Variants in DOK6 observed in about 807,000 individuals in gnomAD.
The protein encoded by DOK6 is downstream of tyrosine kinase 6.
Under a neutral mutation model 44.0 loss-of-function variants are expected in DOK6, and 22 were observed. The ratio of observed to expected loss-of-function variants is 0.50; its 90% CI spans 0.36 to 0.71. The LOEUF is 0.71. Ranked by LOEUF, DOK6 falls within the 30% of genes least tolerant of loss-of-function variation. The pLI, the probability that DOK6 is intolerant of heterozygous loss-of-function variation, is 0.00. For missense variants in DOK6, 340 were observed against 416.4 expected (o/e 0.82, Z 1.60); for synonymous variants, 166 against 145.5 (o/e 1.14, Z -1.01).
rs558134711 is a variant in DOK6, at chr18:69,573,794, C to T, written c.174+9200C>T. 3.3e-5 allele frequency among the ~76,000 whole-genome samples: 5 copies of T among 151,488 alleles called. No homozygotes were observed. In the East Asian group the frequency reaches 9.7e-4, roughly 29 times the overall value. Reference sequence around the variant, plus strand: ...ATTCTGATTTCTGTTTCTTTTTTTCCCTTAGGACGTACATCTGGTTTTCTT... The same window carrying T: ...ATTCTGATTTCTGTTTCTTTTTTTCTCTTAGGACGTACATCTGGTTTTCTT... On this transcript the variant is annotated intron_variant, in intron 2 of 7. Transcript: ENST00000382713.
intron 7 of DOK6, among the ~76,000 whole-genome samples, chr18:69,787,407 A>G (rs987486246): frequency 6.6e-6 from 1 of 152,202 alleles, no homozygotes. Flanking sequence ...GACAGGTGGC[A>G]TGTCCATTCA....
Position 69,725,624 on chromosome 18 carries a change from A to T in DOK6, c.600-13341A>T, listed in dbSNP as rs1050681189. Among the ~76,000 whole-genome samples the T allele has an allele frequency of 5.3e-5, 8 of 152,196 alleles. No homozygotes were observed. In the East Asian group the frequency reaches 9.7e-4, roughly 18 times the overall value. On this transcript the variant is annotated intron_variant, in intron 5 of 7. Coordinates refer to ENST00000382713, the MANE Select transcript of DOK6 (RefSeq NM_152721.6). The stretch of plus-strand genomic sequence containing the variant: ...TGCCTCAGCCTCCCGAGGAGGTGGG[A>T]CTACAGGTGTGAGCCACCACATCCA...
At chr18:69,723,074 A>T (rs553908331) in intron 5 of DOK6, among the ~76,000 whole-genome samples, 6 of 152,202 alleles carry the variant, frequency 3.9e-5, no homozygotes, top group African/African-American at 1.4e-4. Context: ...AAGTATTTTT[A>T]TATTGCATTT....
At chr18:69,554,854 C>T (rs952552749) in intron 1 of DOK6, among the ~76,000 whole-genome samples, 1 of 152,078 alleles carries the variant, frequency 6.6e-6, no homozygotes, top group Admixed American at 6.6e-5. Context: ...TCTTATTGTG[C>T]TTTTACTTCA....
At chr18:69,651,462 G>T (rs1284147784) in intron 3 of DOK6, among the ~76,000 whole-genome samples, 4 of 145,768 alleles carry the variant, frequency 2.7e-5, no homozygotes, top group African/African-American at 1.0e-4. Context: ...GCCCTGCATT[G>T]CATCATCAGC....
chr18:69,504,304 C>T (rs1981125280), intron 1 of DOK6, among the ~76,000 whole-genome samples: 1 of 151,946 alleles, frequency 6.6e-6, no homozygotes, highest in African/African-American at 2.4e-5. Context: ...GTCCCAACTA[C>T]CCCTATTCTA....
intron 1 of DOK6, among the ~76,000 whole-genome samples, chr18:69,433,154 T>A (rs1442230911): frequency 6.6e-6 from 1 of 152,168 alleles, no homozygotes; most frequent in Non-Finnish European, 1.5e-5. Context: ...TTGAATCTAG[T>A]TTAAGTCTAT....
At chr18:69,556,215 C>T (rs1424098110) in intron 1 of DOK6, among the ~76,000 whole-genome samples, 1 of 152,154 alleles carries the variant, frequency 6.6e-6, no homozygotes, top group Admixed American at 6.5e-5. Flanking sequence ...CAACTCCAGC[C>T]ACCTTGTTCT....
At chr18:69,419,320 C>G (rs943299755) in intron 1 of DOK6, among the ~76,000 whole-genome samples, 4 of 152,116 alleles carry the variant, frequency 2.6e-5, no homozygotes, top group Non-Finnish European at 5.9e-5. Context: ...AGTCACAACT[C>G]CCTTTTAAAT....
At chr18:69,580,241 C>T (rs947405546) in intron 2 of DOK6, among the ~76,000 whole-genome samples, 1 of 152,118 alleles carries the variant, frequency 6.6e-6, no homozygotes, top group African/African-American at 2.4e-5. Flanking sequence ...TGCTTCAAAG[C>T]TCCTTCTGTT....
intron 7 of DOK6, among the ~76,000 whole-genome samples, chr18:69,811,811 A>T (rs1289920528): frequency 1.3e-5 from 2 of 151,910 alleles, no homozygotes; most frequent in Non-Finnish European, 2.9e-5. Flanking sequence ...GGTACTGGAC[A>T]GCAAAGTCAG....
intron 5 of DOK6, among the ~76,000 whole-genome samples, chr18:69,711,337 C>T (rs1454556680): frequency 4.6e-5 from 7 of 152,230 alleles, no homozygotes; most frequent in Admixed American, 6.5e-5. Flanking sequence ...TAATGACGAA[C>T]GAGGTAACAT....
intron 1 of DOK6, among the ~76,000 whole-genome samples, chr18:69,431,887 G>A (rs537977844): frequency 6.4e-4 from 98 of 152,170 alleles, no homozygotes; most frequent in African/African-American, 2.3e-3. Flanking sequence ...CCTTCATCTG[G>A]CATTCCCTTA....
intron 3 of DOK6, among the ~76,000 whole-genome samples, chr18:69,625,844 G>GCAAACAAT (rs1197000435): frequency 1.6e-4 from 24 of 152,118 alleles, no homozygotes; most frequent in African/African-American, 5.6e-4. Flanking sequence ...TTGTCTCAAC[G>GCAAACAAT]GTTTAATGCA....
intron 5 of DOK6, among the ~76,000 whole-genome samples, chr18:69,708,674 C>T (rs542517338): frequency 6.6e-6 from 1 of 151,480 alleles, no homozygotes; most frequent in South Asian, 2.1e-4. Context: ...GTCCCACCTA[C>T]TCGGGAGGCT....
At chr18:69,427,917 A>G (rs1043069560) in intron 1 of DOK6, among the ~76,000 whole-genome samples, 2 of 151,972 alleles carry the variant, frequency 1.3e-5, no homozygotes, top group Admixed American at 6.6e-5. Flanking sequence ...AGCTCGAATT[A>G]TAAGTGCCCA....
intron 6 of DOK6, among the ~76,000 whole-genome samples, chr18:69,757,495 T>TC (rs1360864613): frequency 6.6e-6 from 1 of 152,196 alleles, no homozygotes; most frequent in African/African-American, 2.4e-5. Flanking sequence ...TTGCCAGCAT[T>TC]CCCCATTGCT....
chr18:69,552,799 G>A (rs1001197617), intron 1 of DOK6, among the ~76,000 whole-genome samples: 3 of 152,230 alleles, frequency 2.0e-5, no homozygotes, highest in Non-Finnish European at 4.4e-5. Flanking sequence ...CTGGCAAATA[G>A]CAAATATTCA....
intron 3 of DOK6, among the ~76,000 whole-genome samples, chr18:69,655,352 C>G (rs913041113): frequency 6.6e-6 from 1 of 151,844 alleles, no homozygotes; most frequent in Non-Finnish European, 1.5e-5. Flanking sequence ...ACAAATAGAA[C>G]TTTAAGATAT....
Sources: allele counts gnomAD v4.1 joint callset (sites outside exome capture counted in the v4.1 genomes callset), GRCh38; gene constraint gnomAD v4.1.1; transcripts MANE v1.5; gene names NCBI Gene and HGNC (gene_info 2026-07-23, HGNC 2026-07-21).